ONECUT2: variants seen among roughly 807,000 people sequenced by gnomAD.
The protein encoded by ONECUT2 is one cut domain family member 2.
Under a neutral mutation model 27.9 loss-of-function variants are expected in ONECUT2, and 10 were observed. The ratio of observed to expected loss-of-function variants is 0.36; its 90% CI spans 0.22 to 0.61. The LOEUF (loss-of-function observed/expected upper bound fraction) is 0.61, where lower values mean the gene tolerates loss of function less well. Ranked by LOEUF, ONECUT2 falls within the 20% of genes least tolerant of loss-of-function variation. The pLI is 0.73. For missense variants in ONECUT2, 686 were observed against 721.0 expected (o/e 0.95, Z 0.56); for synonymous variants, 334 against 315.1 (o/e 1.06, Z -0.64).
At chr18:57,444,227 A>G in intron 1 of ONECUT2, 1 of 375,884 alleles carries the variant, frequency 2.7e-6, no homozygotes, top group South Asian at 2.0e-5. Context: ...TATTTCATTT[A>G]CAGTTTTCTC....
At position 57,482,668 on chromosome 18, in the gene ONECUT2, G is replaced by A. The variant is rs2050421542; in HGVS notation, c.*5945G>A. ...GTTTATACAGTCTGTCCGCTTGGATGTATACAAATTTAGATACATATTTTA... is the reference window on the plus strand; with the variant it reads ...GTTTATACAGTCTGTCCGCTTGGATATATACAAATTTAGATACATATTTTA... On this transcript the variant is annotated 3_prime_UTR_variant, in exon 2 of 2. Transcript: ENST00000491143. 1 of 152,174 alleles carries A rather than the reference G, an allele frequency of 6.6e-6. No homozygotes were observed. Among genetic ancestry groups the A allele is most frequent in the Non-Finnish European group, 1.5e-5 (1 of 68,038 alleles). The allele number at this position is 152,174 out of a possible 1,614,324, so 9.4% of individuals were successfully genotyped here.
chr18:57,459,053 A>G (rs1023992934), intron 1 of ONECUT2, among the ~76,000 whole-genome samples: 1 of 152,064 alleles, frequency 6.6e-6, no homozygotes, highest in Non-Finnish European at 1.5e-5. Flanking sequence ...CTTGTTTGGC[A>G]TTGTTTTTTA....
chr18:57,449,828 G>C (rs999357490), intron 1 of ONECUT2, among the ~76,000 whole-genome samples: 2 of 152,198 alleles, frequency 1.3e-5, no homozygotes, highest in African/African-American at 4.8e-5. Context: ...AATCTTCCCA[G>C]CTAACTTTGG....
intron 1 of ONECUT2, chr18:57,467,352 TTTTG>T (rs1235257362): frequency 7.3e-6 from 2 of 273,282 alleles, no homozygotes; most frequent in African/African-American, 2.5e-5. Context: ...TTGGTTTTTT[TTTTG>T]TTTGTTTGTT....
At chr18:57,439,832 G>T (rs1009834770) in intron 1 of ONECUT2, among the ~76,000 whole-genome samples, 14 of 152,184 alleles carry the variant, frequency 9.2e-5, no homozygotes, top group Non-Finnish European at 1.5e-4. Flanking sequence ...TCTCTCATAG[G>T]TTATAGGTTC....
Position 57,436,481 on chromosome 18 carries a change from C to T in ONECUT2, c.765C>T (p.Asp255=). The stretch of plus-strand genomic sequence containing the variant: ...CCAACTACGGTCCGCCGGGCCACGA[C>T]AAAATGCTCAGCCCCAACTTCGACG... ...SLPNYGPPGH[D]KMLSPNFDAH... Residue 255 remains aspartate (D), a synonymous_variant, in exon 1 of 2, where the codon GAC becomes GAT. Coordinates refer to ENST00000491143, the MANE Select transcript of ONECUT2 (RefSeq NM_004852.3). The surrounding 1 kb of genome is among the most constrained non-coding windows in gnomAD (Gnocchi z 5.9). The T allele has an allele frequency of 6.2e-7, 1 of 1,613,304 alleles. No homozygotes were observed. The highest frequency in any genetic ancestry group is 8.5e-7 in the Non-Finnish European group (1 of 1,179,818).
At chr18:57,472,900 A>G (rs2050361771) in intron 1 of ONECUT2, among the ~76,000 whole-genome samples, 1 of 152,198 alleles carries the variant, frequency 6.6e-6, no homozygotes, top group African/African-American at 2.4e-5. Context: ...AGAGGACCTC[A>G]GCCAATGTTT....
At chr18:57,453,919 C>T (rs1473358524) in intron 1 of ONECUT2, among the ~76,000 whole-genome samples, 1 of 152,168 alleles carries the variant, frequency 6.6e-6, no homozygotes, top group Non-Finnish European at 1.5e-5. Context: ...GAAGAACAAG[C>T]CCTCCTCATC....
At position 57,484,070 on chromosome 18, in the gene ONECUT2, C is replaced by T. The variant is rs1247384120; in HGVS notation, c.*7347C>T. ...CAGCCTGGATTTCGGGGCTTCTATA[C>T]AGAAACTGGAAAAATAAATTTTAAA... On this transcript the variant is annotated 3_prime_UTR_variant, in exon 2 of 2. Coordinates refer to ENST00000491143, the MANE Select transcript of ONECUT2 (RefSeq NM_004852.3). The T allele has an allele frequency of 6.6e-6, 1 of 152,132 alleles. No individual in the cohort carries two copies. The highest frequency in any genetic ancestry group is 2.4e-5 in the African/African-American group (1 of 41,250). The allele number at this position is 152,132 out of a possible 1,614,324, so 9.4% of individuals were successfully genotyped here.
At chr18:57,457,303 A>T (rs146795260) in intron 1 of ONECUT2, among the ~76,000 whole-genome samples, 7 of 152,184 alleles carry the variant, frequency 4.6e-5, no homozygotes, top group Admixed American at 2.0e-4. Context: ...AGGGGGAACC[A>T]GGTTTCCAAA....
rs879515348 is a variant in ONECUT2 at position 57,435,406 on chromosome 18, A to G, written c.-311A>G. Among the ~76,000 whole-genome samples the G allele has an allele frequency of 1.2e-4, 18 of 151,200 alleles. No individual in the cohort carries two copies. The highest frequency in any genetic ancestry group is 1.3e-4 in the Non-Finnish European group (9 of 67,814). On this transcript the variant is annotated 5_prime_UTR_variant, in exon 1 of 2. Coordinates refer to ENST00000491143, the MANE Select transcript of ONECUT2 (RefSeq NM_004852.3). Reference sequence around the variant, plus strand: ...TTCTGGACAGCTCCCGCTCACCCAAACAGAAGACGTCGGCGCCGGAGCGGG... The same window carrying G: ...TTCTGGACAGCTCCCGCTCACCCAAGCAGAAGACGTCGGCGCCGGAGCGGG...
At chr18:57,452,938 A>G (rs2050239010) in intron 1 of ONECUT2, among the ~76,000 whole-genome samples, 3 of 152,252 alleles carry the variant, frequency 2.0e-5, no homozygotes, top group South Asian at 4.1e-4. Flanking sequence ...GTTGGAAGGG[A>G]TATCAAAAAG....
At position 57,436,469 on chromosome 18, in the gene ONECUT2, G is replaced by A. The variant is rs751207611; in HGVS notation, c.753G>A (p.Pro251=). Residue 251 remains proline, a synonymous_variant, in exon 1 of 2, where the codon CCG becomes CCA. Coordinates refer to ENST00000491143, the MANE Select transcript of ONECUT2 (RefSeq NM_004852.3). The surrounding 1 kb of genome is among the most constrained non-coding windows in gnomAD (Gnocchi z 5.9). ...AGCAGAGTCTGCCCAACTACGGTCC[G>A]CCGGGCCACGACAAAATGCTCAGCC... The part of the protein sequence containing the change: ...NAQQSLPNYG[P]PGHDKMLSPN... The A allele has an allele frequency of 5.0e-6, 8 of 1,613,042 alleles. No individual in the cohort carries two copies. The highest frequency in any genetic ancestry group is 2.2e-5 in the South Asian group (2 of 91,052).
rs2050463983 is a variant in ONECUT2, at chr18:57,491,184, A to G, written c.*14461A>G. ...TCAGTTTTGCTCATTTCCCACCCCA[A>G]TGTTTTGTCTGCAACATCGCTTACA... On this transcript the variant is annotated 3_prime_UTR_variant, in exon 2 of 2. Coordinates refer to ENST00000491143, the MANE Select transcript of ONECUT2 (RefSeq NM_004852.3). 2 of 152,592 alleles carry G rather than the reference A, an allele frequency of 1.3e-5. No homozygotes were observed. Among genetic ancestry groups the G allele is most frequent in the African/African-American group, 4.8e-5 (2 of 41,434 alleles). 9.5% of individuals were successfully genotyped at this position (152,592 alleles called of 1,614,324 possible).
chr18:57,449,666 G>A (rs1470869290), intron 1 of ONECUT2, among the ~76,000 whole-genome samples: 1 of 152,150 alleles, frequency 6.6e-6, no homozygotes, highest in Non-Finnish European at 1.5e-5. Flanking sequence ...ACCCTCCCCA[G>A]TCAGTCAGTT....
intron 1 of ONECUT2, among the ~76,000 whole-genome samples, chr18:57,441,266 G>T (rs2050172606): frequency 6.6e-6 from 1 of 152,242 alleles, no homozygotes; most frequent in African/African-American, 2.4e-5. Flanking sequence ...TAACGTAAAC[G>T]TGTGGACCCA....
In ONECUT2 at chr18:57,490,176, T is replaced by C. The variant is rs2050458127; in HGVS notation, c.*13453T>C. The C allele has an allele frequency of 6.6e-6, 1 of 152,180 alleles. No individual in the cohort carries two copies. The highest frequency in any genetic ancestry group is 2.4e-5 in the African/African-American group (1 of 41,440). The allele number at this position is 152,180 out of a possible 1,614,324, so 9.4% of individuals were successfully genotyped here. ...AAATTTTTCCACCCAGACAATACTT[T>C]ATTAACACAGATACTGTAGATCCTT... On this transcript the variant is annotated 3_prime_UTR_variant, in exon 2 of 2. Transcript: ENST00000491143.
rs1366090308 is a variant in ONECUT2, at chr18:57,486,025, C to A, written c.*9302C>A. The A allele has an allele frequency of 2.6e-5, 4 of 152,666 alleles. No individual in the cohort carries two copies. Among genetic ancestry groups the A allele is most frequent in the Admixed American group, 2.6e-4 (4 of 15,278 alleles). The allele number at this position is 152,666 out of a possible 1,614,324, so 9.5% of individuals were successfully genotyped here. A position where few individuals can be genotyped will look rare whatever the true frequency, so the allele number is the denominator to read the frequency against. ...ACTTAATTCATTGAGCAGCAGAGCT[C>A]CCTATAAGTGAACATCACCTTCCCC... On this transcript the variant is annotated 3_prime_UTR_variant, in exon 2 of 2. Coordinates refer to ENST00000491143, the MANE Select transcript of ONECUT2 (RefSeq NM_004852.3).
chr18:57,441,140 T>G (rs2050172006), intron 1 of ONECUT2, among the ~76,000 whole-genome samples: 1 of 152,230 alleles, frequency 6.6e-6, no homozygotes, highest in Non-Finnish European at 1.5e-5. Context: ...GCATTTATTT[T>G]TATTCCAGGC....
Sources: gnomAD v4.1 joint callset for allele counts (sites outside exome capture counted in the v4.1 genomes callset) on GRCh38, gnomAD v4.1.1 for gene constraint, Gnocchi (gnomAD v3.1) non-coding constraint, MANE v1.5 for transcripts, NCBI Gene and HGNC (gene_info 2026-07-23, HGNC 2026-07-21) for gene names.